NEGR1: variants seen among roughly 807,000 people sequenced by gnomAD.
NEGR1 encodes neuronal growth regulator 1, also known as IgLON family member 4.
NEGR1 carries 10 observed loss-of-function variants against 40.9 expected under a neutral mutation model. The ratio of observed to expected loss-of-function variants is 0.24; its 90% CI spans 0.15 to 0.42. NEGR1 has a LOEUF of 0.42. NEGR1 is among the 10% of genes least tolerant of loss of function. NEGR1 has a pLI of 1.00. For missense variants in NEGR1, 352 were observed against 438.9 expected, an observed-to-expected ratio of 0.80 and a Z score of 1.77; for synonymous variants, 185 against 166.8, an observed-to-expected ratio of 1.11 and a Z score of -0.84.
chr1:71,750,908 T>C (rs561677650), intron 3 of NEGR1, among the ~76,000 whole-genome samples: 9 of 152,170 alleles, frequency 5.9e-5, no homozygotes, highest in Non-Finnish European at 1.3e-4. Flanking sequence ...TAGGACAATA[T>C]AATGGGAAAA....
chr1:71,645,051 T>C (rs1373949843), intron 4 of NEGR1, among the ~76,000 whole-genome samples: 2 of 151,994 alleles, frequency 1.3e-5, no homozygotes, highest in African/African-American at 4.8e-5. Flanking sequence ...CTTTGCTACC[T>C]TGACAATCTA....
In NEGR1 at chr1:72,035,353, G is replaced by A. The variant is rs116908172; in HGVS notation, c.177-100042C>T. Among the ~76,000 whole-genome samples, 29 of 152,202 alleles carry A rather than the reference G, an allele frequency of 1.9e-4. No individual in the cohort carries two copies. In the East Asian group the frequency reaches 5.2e-3, roughly 27 times the overall value. On this transcript the variant is annotated intron_variant, in intron 1 of 6. Transcript: ENST00000357731. ...TTCTCAACTATGACAAAGAACCAGGGCATATACCTGAGACAATGGAGCCGT... is the reference window on the plus strand; with the variant it reads ...TTCTCAACTATGACAAAGAACCAGGACATATACCTGAGACAATGGAGCCGT...
At chr1:72,263,240 ACATT>A (rs745639989) in intron 1 of NEGR1, among the ~76,000 whole-genome samples, 2 of 151,652 alleles carry the variant, frequency 1.3e-5, no homozygotes, top group Non-Finnish European at 3.0e-5. Context: ...CTTTCTCAAC[ACATT>A]CATATTAAAC....
intron 3 of NEGR1, among the ~76,000 whole-genome samples, chr1:71,772,606 G>T (rs976209636): frequency 6.6e-6 from 1 of 152,096 alleles, no homozygotes; most frequent in Non-Finnish European, 1.5e-5. Flanking sequence ...TTGGAATATG[G>T]TTGATTAATT....
rs1159474421 is a variant in NEGR1 at position 71,822,129 on chromosome 1, G to C, written c.410-45832C>G. 2.0e-5 allele frequency among the ~76,000 whole-genome samples: 3 copies of C among 151,892 alleles called. No homozygotes were observed. The East Asian group carries it at 5.8e-4, about 30-fold the overall frequency. ...AGGGAAAATTATTTCAGTGAGTGAG[G>C]GCTTTAGGCAGTGCAACTGGTCTTC... On this transcript the variant is annotated intron_variant, in intron 2 of 6. Transcript: ENST00000357731.
intron 1 of NEGR1, among the ~76,000 whole-genome samples, chr1:72,163,764 A>AGATAGATAGATTTAGATT (rs3080237): frequency 1.4e-5 from 2 of 143,912 alleles, no homozygotes; most frequent in East Asian, 2.0e-4. Flanking sequence ...ATAGATAGAT[A>AGATAGATAGATTTAGATT]TAGATTTAGA....
intron 1 of NEGR1, among the ~76,000 whole-genome samples, chr1:71,976,894 A>T (rs568644518): frequency 6.6e-6 from 1 of 152,376 alleles, no homozygotes; most frequent in Non-Finnish European, 1.5e-5. Flanking sequence ...ATTTAAAAAT[A>T]GTGAGACATT....
chr1:71,976,148 A>C (rs1646301917), intron 1 of NEGR1, among the ~76,000 whole-genome samples: 1 of 152,244 alleles, frequency 6.6e-6, no homozygotes, highest in East Asian at 1.9e-4. Flanking sequence ...CATAATCACA[A>C]AATCTAGAAT....
chr1:71,399,819 G>C lies in NEGR1; in HGVS notation c.*7627C>G, dbSNP rs1489067188. On this transcript the variant is annotated 3_prime_UTR_variant, in exon 7 of 7. Transcript: ENST00000357731. ...CAGGGCAACCACAATCCACACTTAT[G>C]AAACTACTTAGAAAACTATGGAAGA... 6.6e-6 allele frequency: 1 copy of C among 152,216 alleles called. No homozygotes were observed. The highest frequency in any genetic ancestry group is 1.5e-5 in the Non-Finnish European group (1 of 68,034). The allele number at this position is 152,216 out of a possible 1,614,324, so 9.4% of individuals were successfully genotyped here.
At chr1:71,867,015 C>T (rs931510092) in intron 2 of NEGR1, among the ~76,000 whole-genome samples, 6 of 152,076 alleles carry the variant, frequency 3.9e-5, no homozygotes, top group African/African-American at 1.4e-4. Context: ...CATATAAGTA[C>T]GAATATTATT....
intron 3 of NEGR1, among the ~76,000 whole-genome samples, chr1:71,720,054 G>A (rs1308941898): frequency 6.6e-6 from 1 of 152,122 alleles, no homozygotes; most frequent in African/African-American, 2.4e-5. Context: ...CTTATTTTCT[G>A]TTAGACTATT....
intron 2 of NEGR1, among the ~76,000 whole-genome samples, chr1:71,865,662 G>C (rs142036183): frequency 6.6e-6 from 1 of 152,080 alleles, no homozygotes; most frequent in African/African-American, 2.4e-5. Flanking sequence ...ATGAAGGGTT[G>C]ATGGGTACAG....
At chr1:71,883,096 T>C (rs1660625633) in intron 2 of NEGR1, among the ~76,000 whole-genome samples, 1 of 152,158 alleles carries the variant, frequency 6.6e-6, no homozygotes, top group Non-Finnish European at 1.5e-5. Context: ...ATAAATCTTT[T>C]GGGGCCTCAG....
chr1:72,267,885 T>C (rs1037679505), intron 1 of NEGR1, among the ~76,000 whole-genome samples: 4 of 151,282 alleles, frequency 2.6e-5, no homozygotes, highest in African/African-American at 7.3e-5. Context: ...TAAACCTTCA[T>C]AGACTTTCAG....
intron 6 of NEGR1, among the ~76,000 whole-genome samples, chr1:71,492,909 C>T (rs1373787360): frequency 1.3e-5 from 2 of 152,092 alleles, no homozygotes; most frequent in East Asian, 1.9e-4. Context: ...TTCAAATTTG[C>T]TATGTTCAAG....
chr1:71,819,481 C>T (rs910031471), intron 2 of NEGR1, among the ~76,000 whole-genome samples: 1 of 151,626 alleles, frequency 6.6e-6, no homozygotes, highest in Non-Finnish European at 1.5e-5. Context: ...AAGGAATGAT[C>T]ATAGAATAAG....
At chr1:71,627,774 C>T (rs1162479400) in intron 4 of NEGR1, among the ~76,000 whole-genome samples, 2 of 151,984 alleles carry the variant, frequency 1.3e-5, no homozygotes, top group Admixed American at 6.6e-5. Flanking sequence ...CTCCTATGTA[C>T]CAAAGCCAAA....
chr1:71,512,588 T>C (rs1647082739), intron 6 of NEGR1, among the ~76,000 whole-genome samples: 3 of 151,686 alleles, frequency 2.0e-5, no homozygotes, highest in Admixed American at 1.3e-4. Flanking sequence ...TAATCGATTT[T>C]TTTTTTTTTT....
chr1:71,436,753 A>G (rs1646512290), intron 6 of NEGR1, among the ~76,000 whole-genome samples: 1 of 152,190 alleles, frequency 6.6e-6, no homozygotes, highest in Non-Finnish European at 1.5e-5. Context: ...GATGAGAATG[A>G]AGACCTTTAT....
Sources: allele counts gnomAD v4.1 joint callset (sites outside exome capture counted in the v4.1 genomes callset), GRCh38; gene constraint gnomAD v4.1.1; transcripts MANE v1.5; gene names NCBI Gene and HGNC (gene_info 2026-07-23, HGNC 2026-07-21).